The following MCTP1 variants were observed in gnomAD, a reference collection of about 807,000 sequenced individuals.
MCTP1 encodes multiple C2 and transmembrane domain-containing protein 1.
MCTP1 carries 69 observed loss-of-function variants against 120.6 expected under a neutral mutation model. The observed-to-expected ratio is 0.57, with a 90% CI of 0.47 to 0.70. The LOEUF (loss-of-function observed/expected upper bound fraction) is 0.70, where lower values mean the gene tolerates loss of function less well. Ranked by LOEUF, MCTP1 falls within the 30% of genes least tolerant of loss-of-function variation. The pLI is 0.00. For missense variants in MCTP1, 1,203 were observed against 1,248.8 expected, an observed-to-expected ratio of 0.96 and a Z score of 0.55; for synonymous variants, 529 against 493.1, an observed-to-expected ratio of 1.07 and a Z score of -0.96.
chr5:95,184,151 T>TATA (rs751363607), intron 1 of MCTP1, among the ~76,000 whole-genome samples: 1 of 151,766 alleles, frequency 6.6e-6, no homozygotes, highest in Non-Finnish European at 1.5e-5. Context: ...GATCTTAAAG[T>TATA]ATAATAATAA....
intron 8 of MCTP1, among the ~76,000 whole-genome samples, chr5:94,914,768 A>G (rs1309784133): frequency 6.6e-6 from 1 of 152,194 alleles, no homozygotes; most frequent in Non-Finnish European, 1.5e-5. Flanking sequence ...TGTTCTCCAT[A>G]TTGGATTTCC....
At chr5:94,989,389 C>G (rs997962136) in intron 2 of MCTP1, among the ~76,000 whole-genome samples, 1 of 152,188 alleles carries the variant, frequency 6.6e-6, no homozygotes, top group African/African-American at 2.4e-5. Flanking sequence ...CATTTATTGT[C>G]TCACAGTTTC....
intron 21 of MCTP1, 22 bp downstream of exon 21, chr5:94,710,796 G>T (rs372560303): frequency 4.0e-6 from 6 of 1,493,068 alleles, no homozygotes; most frequent in Non-Finnish European, 5.6e-6. Context: ...CAGTTTGGGG[G>T]AGTGGGGGAG....
rs1325223222 is a variant in MCTP1, at chr5:94,742,408, TG to T, written c.2611-27523del. Among the ~76,000 whole-genome samples, 5 of 152,154 alleles carry T rather than the reference TG, an allele frequency of 3.3e-5. No individual in the cohort carries two copies. The East Asian group carries it at 9.6e-4, about 29-fold the overall frequency. On this transcript the variant is annotated intron_variant, in intron 19 of 22. Coordinates refer to ENST00000515393, the MANE Select transcript of MCTP1 (RefSeq NM_024717.7). ...AGTGTGTCCACTGATTTTTCCATCT[TG>T]GGCTTAGTGATACTAAGTAAATGAA... is the stretch of plus-strand genomic sequence containing the variant.
At chr5:94,823,890 A>AT (rs1432496760) in intron 17 of MCTP1, among the ~76,000 whole-genome samples, 5 of 152,138 alleles carry the variant, frequency 3.3e-5, no homozygotes, top group Non-Finnish European at 5.9e-5. Flanking sequence ...TTGCACATTG[A>AT]TTTTTTATCC....
intron 19 of MCTP1, among the ~76,000 whole-genome samples, chr5:94,736,689 T>A (rs930086734): frequency 2.6e-5 from 4 of 152,160 alleles, no homozygotes; most frequent in Non-Finnish European, 5.9e-5. Flanking sequence ...ATATTTTAAA[T>A]GAGAGACTGC....
intron 2 of MCTP1, among the ~76,000 whole-genome samples, chr5:94,958,914 A>G (rs1823400112): frequency 6.6e-6 from 1 of 152,222 alleles, no homozygotes; most frequent in African/African-American, 2.4e-5. Context: ...TCCCCAATTC[A>G]TTTTATGAGG....
At chr5:94,799,938 T>A (rs892612345) in intron 17 of MCTP1, among the ~76,000 whole-genome samples, 1 of 152,162 alleles carries the variant, frequency 6.6e-6, no homozygotes, top group African/African-American at 2.4e-5. Flanking sequence ...CTTGTAATCC[T>A]GGACAGATCA....
intron 1 of MCTP1, among the ~76,000 whole-genome samples, chr5:95,228,474 G>GAGAA (rs1372323566): frequency 2.6e-5 from 4 of 151,362 alleles, no homozygotes; most frequent in Admixed American, 1.3e-4. Flanking sequence ...AGCCAAAAGA[G>GAGAA]AGAGAGAGAG....
intron 1 of MCTP1, among the ~76,000 whole-genome samples, chr5:95,041,964 G>A (rs1842434384): frequency 6.6e-6 from 1 of 152,178 alleles, no homozygotes; most frequent in Non-Finnish European, 1.5e-5. Flanking sequence ...GAGTTGAAAA[G>A]ACAGAACTCT....
At chr5:95,279,372 A>G (rs1355732235) in intron 1 of MCTP1, among the ~76,000 whole-genome samples, 1 of 152,192 alleles carries the variant, frequency 6.6e-6, no homozygotes, top group African/African-American at 2.4e-5. Context: ...AAAATAATGT[A>G]AGATTTTTTC....
At chr5:94,739,547 G>C (rs1765032211) in intron 19 of MCTP1, 1 of 152,198 alleles carries the variant, frequency 6.6e-6, no homozygotes. Context: ...ATAATCCAAG[G>C]AGTGCCCAAA....
At chr5:95,181,747 G>A (rs142286821) in intron 1 of MCTP1, among the ~76,000 whole-genome samples, 114 of 152,270 alleles carry the variant, frequency 7.5e-4, no homozygotes, top group African/African-American at 2.7e-3. Flanking sequence ...GTAAGTAATT[G>A]CATAAGATAC....
At chr5:95,202,850 C>A (rs1751223005) in intron 1 of MCTP1, among the ~76,000 whole-genome samples, 1 of 152,124 alleles carries the variant, frequency 6.6e-6, no homozygotes, top group Non-Finnish European at 1.5e-5. Flanking sequence ...GCCTCAGCCT[C>A]CTGAGTAGCT....
At chr5:94,839,256 G>A (rs1204135330) in intron 17 of MCTP1, among the ~76,000 whole-genome samples, 2 of 152,088 alleles carry the variant, frequency 1.3e-5, no homozygotes, top group African/African-American at 4.8e-5. Flanking sequence ...CCGCCAAGTT[G>A]AAGCTATCTC....
intron 2 of MCTP1, among the ~76,000 whole-genome samples, chr5:95,016,932 A>G (rs749765898): frequency 5.9e-5 from 9 of 152,262 alleles, no homozygotes; most frequent in Non-Finnish European, 1.3e-4. Flanking sequence ...ATCACTTCTT[A>G]GGAATCTCTG....
intron 2 of MCTP1, among the ~76,000 whole-genome samples, chr5:94,978,432 C>A (rs558593526): frequency 6.6e-6 from 1 of 151,948 alleles, no homozygotes; most frequent in Non-Finnish European, 1.5e-5. Context: ...TTTACAATAA[C>A]CAAGACATAG....
chr5:94,932,385 C>A (rs767616078), intron 5 of MCTP1, among the ~76,000 whole-genome samples: 1 of 151,898 alleles, frequency 6.6e-6, no homozygotes, highest in Non-Finnish European at 1.5e-5. Flanking sequence ...CATTCAAAAT[C>A]TTTTGCTTGG....
At chr5:95,193,953 G>A (rs1301193889) in intron 1 of MCTP1, among the ~76,000 whole-genome samples, 1 of 152,184 alleles carries the variant, frequency 6.6e-6, no homozygotes, top group East Asian at 1.9e-4. Context: ...CTTCACGCTT[G>A]TAACCTCAAC....
Sources: allele counts gnomAD v4.1 joint callset (sites outside exome capture counted in the v4.1 genomes callset), GRCh38; gene constraint gnomAD v4.1.1; transcripts MANE v1.5; gene names NCBI Gene and HGNC (gene_info 2026-07-23, HGNC 2026-07-21).